The following MAP3K19 variants were observed in gnomAD, a reference collection of about 807,000 sequenced individuals.
MAP3K19 encodes the protein mitogen-activated protein kinase kinase kinase 19.
A neutral mutation model predicts 114.4 loss-of-function variants in MAP3K19; 91 were observed. That is an observed-to-expected ratio of 0.80 (90% CI 0.67 to 0.95). The LOEUF is 0.95. Among genes scored for constraint, MAP3K19 ranks in the 40% least tolerant of loss-of-function variants. The pLI is 0.00. For synonymous variants in MAP3K19, 518 were observed against 530.5 expected (o/e 0.98, Z 0.32); for missense variants, 1,471 against 1,573.2 (o/e 0.94, Z 1.10).
chr2:135,040,680 T>C (rs1336995965), intron 1 of MAP3K19, 178 bp from the exon 2 acceptor site: 1 of 152,262 alleles, frequency 6.6e-6, no homozygotes, highest in Non-Finnish European at 1.5e-5. Context: ...TTATAACAGT[T>C]TTAAAGACAA....
In MAP3K19 at chr2:134,987,848, G is replaced by A. The variant is rs746658931; in HGVS notation, c.1024C>T (p.Pro342Ser). The change falls in exon 10 of 13, where the codon CCT becomes TCT. Residue 342 changes from proline to serine, a missense_variant. Physicochemically the swap from Pro to Ser is moderately conservative, Grantham distance 74. Transcript: ENST00000392915. ...SFENLKEGNIPAVREEDIDCH... is the reference protein window; with the variant it reads ...SFENLKEGNISAVREEDIDCH... ...TCAATATCCTCTTCCCTAACTGCAG[G>A]AATATTGCCTTCCTTCAAATTCTCA... The A allele has an allele frequency of 1.2e-5, 20 of 1,611,022 alleles. No homozygotes were observed. Among genetic ancestry groups the A allele is most frequent in the Non-Finnish European group, 1.7e-5 (20 of 1,180,010 alleles).
At chr2:135,000,138 G>C in intron 6 of MAP3K19, 123 bp from the exon 7 acceptor site, 8 of 675,846 alleles carry the variant, frequency 1.2e-5, no homozygotes. Context: ...ACATTAATCA[G>C]GAGCTGAGGT....
chr2:135,003,800 C>T (rs1686619982), intron 6 of MAP3K19, among the ~76,000 whole-genome samples: 1 of 152,212 alleles, frequency 6.6e-6, no homozygotes, highest in African/African-American at 2.4e-5. Context: ...GTGATCCGCC[C>T]ACCTTGGCCT....
rs1475117275 is a variant in MAP3K19 at position 134,983,780 on chromosome 2, G to C, written c.3118C>G (p.Leu1040Val). 3.1e-6 allele frequency: 5 copies of C among 1,605,516 alleles called. No individual in the cohort carries two copies. The highest frequency in any genetic ancestry group is 4.3e-6 in the Non-Finnish European group (5 of 1,176,052). The part of the protein sequence containing the change: ...LRIYDREEKF[L>V]ISNEKKIFSE... ...AATATCTTCTTTTCATTTGAGATGA[G>C]AAATTTCTCCTCCCTGTCATATATC... The change falls in exon 11 of 13, where the codon CTC becomes GTC. Residue 1040 changes from leucine to valine, a missense_variant. Coordinates refer to ENST00000392915, the MANE Select transcript of MAP3K19 (RefSeq NM_025052.5).
intron 6 of MAP3K19, among the ~76,000 whole-genome samples, chr2:135,003,392 A>T (rs1476846416): frequency 1.3e-5 from 2 of 152,194 alleles, no homozygotes; most frequent in African/African-American, 2.4e-5. Flanking sequence ...ACCTGCAACT[A>T]CAAATCCTGA....
At chr2:134,988,891 T>C (rs977759167) in intron 9 of MAP3K19, among the ~76,000 whole-genome samples, 8 of 152,204 alleles carry the variant, frequency 5.3e-5, no homozygotes, top group African/African-American at 1.7e-4. Context: ...TTACTTTCCA[T>C]AGAATTGATT....
chr2:135,024,162 C>T (rs1045647173), intron 4 of MAP3K19, among the ~76,000 whole-genome samples: 12 of 152,188 alleles, frequency 7.9e-5, no homozygotes, highest in African/African-American at 2.9e-4. Context: ...TGTCCTCTGC[C>T]CCCGAAGCTT....
In MAP3K19 at chr2:135,015,585, T is replaced by C. The variant is rs147815059; in HGVS notation, c.138+6130A>G. On this transcript the variant is annotated intron_variant, in intron 5 of 12. Transcript: ENST00000392915. ...TTTCTTTTATGGCAAGCATTTTTTGTGATGTGTGTTCTGTTGTAAAAATTG... is the reference window on the plus strand; with the variant it reads ...TTTCTTTTATGGCAAGCATTTTTTGCGATGTGTGTTCTGTTGTAAAAATTG... Among the ~76,000 whole-genome samples, 89 of 152,286 alleles carry C rather than the reference T, an allele frequency of 5.8e-4. 1 individual carries two copies. The East Asian group carries it at 0.014, about 24-fold the overall frequency.
At chr2:135,010,028 A>G (rs1190934847) in intron 5 of MAP3K19, among the ~76,000 whole-genome samples, 1 of 152,134 alleles carries the variant, frequency 6.6e-6, no homozygotes, top group African/African-American at 2.4e-5. Flanking sequence ...AGACTGTGAA[A>G]TCTGGGTCCA....
chr2:135,023,842 C>T (rs1346566588), intron 4 of MAP3K19, among the ~76,000 whole-genome samples: 1 of 152,086 alleles, frequency 6.6e-6, no homozygotes, highest in Non-Finnish European at 1.5e-5. Context: ...GTTAATATTC[C>T]TAAAACATGG....
chr2:135,036,637 A>G (rs867383592), intron 2 of MAP3K19, among the ~76,000 whole-genome samples: 6 of 140,178 alleles, frequency 4.3e-5, no homozygotes, highest in Non-Finnish European at 6.3e-5. Context: ...GTTCAACATT[A>G]TGTGTGTGTG....
intron 9 of MAP3K19, among the ~76,000 whole-genome samples, chr2:134,988,865 C>A (rs1030125015): frequency 2.6e-5 from 4 of 152,028 alleles, no homozygotes; most frequent in African/African-American, 9.7e-5. Context: ...CATTTTATTT[C>A]TCTTCTTTTT....
At position 135,005,475 on chromosome 2, in the gene MAP3K19, A is replaced by G; in HGVS notation, c.195T>C (p.Asp65=). Residue 65 remains aspartate, a synonymous_variant, in exon 6 of 13, where the codon GAT becomes GAC. Coordinates refer to ENST00000392915, the MANE Select transcript of MAP3K19 (RefSeq NM_025052.5). ...SHSTLVNEEE[D]PSGGRQDWQP... ...GCCAGTCCTGTCTACCACCACTGGG[A>G]TCTTCTTCTTCATTAACCAGTGTGG... 6.2e-7 allele frequency: 1 copy of G among 1,614,074 alleles called. No homozygotes were observed. Among genetic ancestry groups the G allele is most frequent in the Non-Finnish European group, 8.5e-7 (1 of 1,179,962 alleles).
chr2:135,042,501 CA>C (rs1168430275), intron 1 of MAP3K19, among the ~76,000 whole-genome samples: 5,760 of 58,732 alleles, frequency 0.098, 130 homozygotes, highest in African/African-American at 0.12. Flanking sequence ...GACTCTGTCT[CA>C]AAAAAAAAAA....
intron 2 of MAP3K19, among the ~76,000 whole-genome samples, chr2:135,037,960 A>C (rs537126993): frequency 2.3e-4 from 35 of 152,292 alleles, no homozygotes; most frequent in African/African-American, 8.4e-4. Context: ...TAGGAATCCA[A>C]GCAATTCTGG....
At chr2:135,021,593 T>C in intron 5 of MAP3K19, 122 bp downstream of exon 5, 1 of 603,972 alleles carries the variant, frequency 1.7e-6, no homozygotes, top group Non-Finnish European at 2.9e-6. Flanking sequence ...CAAATATGCT[T>C]TTTTATGATT....
chr2:135,024,921 T>C (rs1688195674), intron 3 of MAP3K19, among the ~76,000 whole-genome samples, 180 bp from the exon 4 acceptor site: 1 of 152,224 alleles, frequency 6.6e-6, no homozygotes, highest in Non-Finnish European at 1.5e-5. Flanking sequence ...AGATTTTAAA[T>C]AAAAGGAATT....
intron 1 of MAP3K19, among the ~76,000 whole-genome samples, chr2:135,043,664 A>G (rs1015279758): frequency 5.3e-5 from 8 of 152,156 alleles, no homozygotes; most frequent in African/African-American, 1.2e-4. Context: ...TGTACATTCT[A>G]TGGGTTAGGA....
chr2:134,988,208 G>C lies in MAP3K19; in HGVS notation c.664C>G (p.Leu222Val), dbSNP rs763843096. ...AACTTGTGATTTTGGGGGATAGTAA[G>C]GACACCAGATCGCGTGGGCAAGAGT... ...LSLLPTRSGV[L>V]TIPQNHKFPK... The change falls in exon 10 of 13, where the codon CTT becomes GTT. Residue 222 changes from leucine (L) to valine (V), a missense_variant. Physicochemically the swap from Leu to Val is conservative, Grantham distance 32. Transcript: ENST00000392915. 1 of 1,606,192 alleles carries C rather than the reference G, an allele frequency of 6.2e-7. No individual in the cohort carries two copies. Among genetic ancestry groups the C allele is most frequent in the South Asian group, 1.1e-5 (1 of 89,878 alleles).
Sources: gnomAD v4.1 joint callset for allele counts (sites outside exome capture counted in the v4.1 genomes callset) on GRCh38, gnomAD v4.1.1 for gene constraint, MANE v1.5 for transcripts, NCBI Gene and HGNC (gene_info 2026-07-23, HGNC 2026-07-21) for gene names.